Variants in TFPI observed in about 807,000 individuals in gnomAD.
TFPI encodes tissue factor pathway inhibitor.
Under a neutral mutation model 34.6 loss-of-function variants are expected in TFPI, and 15 were observed. That is an observed-to-expected ratio of 0.43 (90% CI 0.29 to 0.67). The LOEUF is 0.67. TFPI is among the 30% of genes least tolerant of loss of function. The pLI is 0.15. For synonymous variants in TFPI, 105 were observed against 120.1 expected (o/e 0.87, Z 0.82); for missense variants, 301 against 364.0 (o/e 0.83, Z 1.41).
At chr2:187,525,634 T>C (rs557765482) in intron 1 of TFPI, among the ~76,000 whole-genome samples, 3 of 152,116 alleles carry the variant, frequency 2.0e-5, no homozygotes, top group Non-Finnish European at 4.4e-5. Context: ...AAACAAGGCC[T>C]CTAAAGAGGT....
At chr2:187,522,353 G>A (rs1687424499) in intron 1 of TFPI, among the ~76,000 whole-genome samples, 1 of 151,994 alleles carries the variant, frequency 6.6e-6, no homozygotes, top group South Asian at 2.1e-4. Flanking sequence ...AACTATAATA[G>A]TTAAACTGAT....
intron 6 of TFPI, among the ~76,000 whole-genome samples, chr2:187,474,404 A>G (rs1343715402): frequency 2.0e-5 from 3 of 152,158 alleles, no homozygotes; most frequent in African/African-American, 7.2e-5. Context: ...AAAAAAGAGT[A>G]TAGTGGGATA....
At chr2:187,473,629 G>A (rs1692187173) in intron 6 of TFPI, among the ~76,000 whole-genome samples, 1 of 152,024 alleles carries the variant, frequency 6.6e-6, no homozygotes, top group African/African-American at 2.4e-5. Flanking sequence ...ATTAGAGATT[G>A]GAATCTGTTT....
chr2:187,504,174 G>A (rs142047432), intron 1 of TFPI, among the ~76,000 whole-genome samples: 1 of 152,056 alleles, frequency 6.6e-6, no homozygotes, highest in East Asian at 1.9e-4. Context: ...AATTATTTAG[G>A]CATTTTTCTA....
chr2:187,476,505 A>C (rs1692387072), intron 6 of TFPI, among the ~76,000 whole-genome samples: 1 of 151,932 alleles, frequency 6.6e-6, no homozygotes, highest in Non-Finnish European at 1.5e-5. Flanking sequence ...ATACTGAGCT[A>C]ATTATTTTAT....
At chr2:187,545,814 G>A (rs910155137) in intron 1 of TFPI, among the ~76,000 whole-genome samples, 1 of 152,158 alleles carries the variant, frequency 6.6e-6, no homozygotes, top group South Asian at 2.1e-4. Flanking sequence ...CCAAAGTTAA[G>A]AAATTTAATT....
At chr2:187,488,869 G>A (rs896558662) in intron 3 of TFPI, among the ~76,000 whole-genome samples, 2 of 151,414 alleles carry the variant, frequency 1.3e-5, no homozygotes, top group African/African-American at 4.8e-5. Flanking sequence ...ATGTAGAGAA[G>A]AAATGAAACA....
At chr2:187,504,661 GATC>G (rs922197655) in intron 1 of TFPI, among the ~76,000 whole-genome samples, 2 of 151,780 alleles carry the variant, frequency 1.3e-5, no homozygotes, top group African/African-American at 4.8e-5. Flanking sequence ...AAAGTGTAAT[GATC>G]ATGCAACACA....
At chr2:187,514,902 T>C (rs1686889726) in intron 1 of TFPI, 2 of 152,250 alleles carry the variant, frequency 1.3e-5, no homozygotes, top group Non-Finnish European at 2.9e-5. Flanking sequence ...TGACAGTTAA[T>C]AAAAATGTAG....
At chr2:187,499,267 T>C (rs1441649308) in intron 2 of TFPI, among the ~76,000 whole-genome samples, 2 of 152,012 alleles carry the variant, frequency 1.3e-5, no homozygotes, top group Non-Finnish European at 1.5e-5. Flanking sequence ...TTTCCATTTT[T>C]CTTAAATTAG....
chr2:187,495,102 A>G (rs1184389754), intron 3 of TFPI, among the ~76,000 whole-genome samples: 1 of 152,236 alleles, frequency 6.6e-6, no homozygotes, highest in East Asian at 1.9e-4. Context: ...GATATTTTAA[A>G]TGATGATAAG....
intron 1 of TFPI, chr2:187,519,165 C>A (rs1454742495): frequency 6.6e-6 from 1 of 152,140 alleles, no homozygotes; most frequent in South Asian, 2.1e-4. Flanking sequence ...ACTCATTCTC[C>A]GTCCAGTTCT....
In TFPI at chr2:187,464,803, G is replaced by A. The variant is rs1232862983; in HGVS notation, c.*2133C>T. On this transcript the variant is annotated 3_prime_UTR_variant, in exon 8 of 8. Transcript: ENST00000233156. ...GTATTATTTTCCTTAAGTGAAAAAA[G>A]CTGATACTATTTTGTAATGATAAAA... 1 of 152,120 alleles carries A rather than the reference G, an allele frequency of 6.6e-6. No individual in the cohort carries two copies. The highest frequency in any genetic ancestry group is 2.4e-5 in the African/African-American group (1 of 41,434). The allele number at this position is 152,120 out of a possible 1,614,324, so 9.4% of individuals were successfully genotyped here.
At chr2:187,502,225 G>A (rs1253458923) in intron 2 of TFPI, among the ~76,000 whole-genome samples, 2 of 152,132 alleles carry the variant, frequency 1.3e-5, no homozygotes, top group Non-Finnish European at 1.5e-5. Context: ...CTTAATTACT[G>A]ATAACTTAAT....
intron 6 of TFPI, chr2:187,478,540 T>A: frequency 8.1e-7 from 1 of 1,238,372 alleles, no homozygotes. Context: ...TCTTTGCTAG[T>A]TAGACATTTA....
chr2:187,521,720 C>G (rs111816092), intron 1 of TFPI, among the ~76,000 whole-genome samples: 4 of 152,116 alleles, frequency 2.6e-5, no homozygotes, highest in African/African-American at 9.7e-5. Context: ...AGGCGCCTGC[C>G]ACCATGCCTG....
chr2:187,492,068 T>C (rs562611422), intron 3 of TFPI, among the ~76,000 whole-genome samples: 1 of 152,272 alleles, frequency 6.6e-6, no homozygotes, highest in East Asian at 1.9e-4. Flanking sequence ...TGTTGAATTG[T>C]TTGAGTTACA....
At chr2:187,471,718 G>T (rs937932814) in intron 6 of TFPI, among the ~76,000 whole-genome samples, 2 of 151,446 alleles carry the variant, frequency 1.3e-5, no homozygotes, top group African/African-American at 4.9e-5. Flanking sequence ...GTAAGATGGT[G>T]CTCTAAACTC....
At chr2:187,521,916 T>G (rs1687397413) in intron 1 of TFPI, among the ~76,000 whole-genome samples, 1 of 152,092 alleles carries the variant, frequency 6.6e-6, no homozygotes, top group Non-Finnish European at 1.5e-5. Context: ...ATTTCGAGTT[T>G]TTAGAAAAAT....
Sources: gnomAD v4.1 joint callset for allele counts (sites outside exome capture counted in the v4.1 genomes callset) on GRCh38, gnomAD v4.1.1 for gene constraint, MANE v1.5 for transcripts, NCBI Gene and HGNC (gene_info 2026-07-23, HGNC 2026-07-21) for gene names.